Variants in SYNPO2 observed in about 807,000 individuals in gnomAD.
The protein encoded by SYNPO2 is synaptopodin-2.
SYNPO2 carries 56 observed loss-of-function variants against 85.0 expected under a neutral mutation model. The observed-to-expected ratio is 0.66, with a 90% CI of 0.53 to 0.82. SYNPO2 has a LOEUF of 0.82. Among genes scored for constraint, SYNPO2 ranks in the 40% least tolerant of loss-of-function variants. The pLI, the probability that SYNPO2 is intolerant of heterozygous loss-of-function variation, is 0.00. For missense variants in SYNPO2, 1,575 were observed against 1,534.2 expected (o/e 1.03, Z -0.44); for synonymous variants, 602 against 591.1 (o/e 1.02, Z -0.27).
intron 1 of SYNPO2, among the ~76,000 whole-genome samples, chr4:118,997,187 C>A (rs1404335735): frequency 2.1e-5 from 3 of 143,632 alleles, no homozygotes; most frequent in Non-Finnish European, 4.5e-5. Flanking sequence ...TTGCAGTGAG[C>A]CGAGATCCCG....
rs77732855 is a variant in SYNPO2, at chr4:118,959,655, C to G, written c.106-63775C>G. ...GAAACATGAACTAGAGGCTCGCTCT[C>G]CCTGGTCATCTGTGACCACTGCACT... On this transcript the variant is annotated intron_variant, in intron 1 of 4. Transcript: ENST00000307142. 5.4e-3 allele frequency among the ~76,000 whole-genome samples: 817 copies of G among 152,344 alleles called. 14 individuals carry two copies. Among genetic ancestry groups the G allele is most frequent in the African/African-American group, 0.017 (711 of 41,574 alleles).
At chr4:118,925,691 C>G (rs1048314643) in intron 1 of SYNPO2, among the ~76,000 whole-genome samples, 1 of 152,034 alleles carries the variant, frequency 6.6e-6, no homozygotes, top group South Asian at 2.1e-4. Context: ...TTAAAATCAG[C>G]GGGTCAGTTT....
chr4:118,943,468 T>A (rs958486439), intron 1 of SYNPO2, among the ~76,000 whole-genome samples: 1 of 152,162 alleles, frequency 6.6e-6, no homozygotes, highest in African/African-American at 2.4e-5. Context: ...ATAAGTGATG[T>A]GGGGGAAGGG....
At chr4:118,869,620 T>A (rs1017620626) in intron 1 of SYNPO2, among the ~76,000 whole-genome samples, 1 of 152,162 alleles carries the variant, frequency 6.6e-6, no homozygotes, top group Non-Finnish European at 1.5e-5. Context: ...TTCAAGAGAT[T>A]CCTCTACTTG....
chr4:118,897,444 T>G (rs1732586302), intron 1 of SYNPO2, among the ~76,000 whole-genome samples: 1 of 152,176 alleles, frequency 6.6e-6, no homozygotes. Flanking sequence ...TCATCCTGTT[T>G]AACAGAATTT....
chr4:118,889,214 T>G (rs1263638567), intron 1 of SYNPO2, 73 bp downstream of exon 1: 2 of 1,392,428 alleles, frequency 1.4e-6, no homozygotes, highest in African/African-American at 1.5e-5. Context: ...GATGGTGTTT[T>G]CAGGTTCTGA....
Position 119,021,593 on chromosome 4 carries a change from T to C in SYNPO2, c.106-1837T>C, listed in dbSNP as rs573977040. 2.4e-4 allele frequency among the ~76,000 whole-genome samples: 36 copies of C among 152,302 alleles called. 1 individual carries two copies. Among genetic ancestry groups the C allele is most frequent in the African/African-American group, 8.4e-4 (35 of 41,554 alleles). On this transcript the variant is annotated intron_variant, in intron 1 of 4. Coordinates refer to ENST00000307142, the MANE Select transcript of SYNPO2 (RefSeq NM_133477.3). Reference sequence around the variant, plus strand: ...ACTCATAAAATGAAATCTAAGCACATTAGTATCACTTAGGGCTCCAGCAGG... The same window carrying C: ...ACTCATAAAATGAAATCTAAGCACACTAGTATCACTTAGGGCTCCAGCAGG...
chr4:119,029,538 C>A (rs1738121458), intron 3 of SYNPO2, among the ~76,000 whole-genome samples: 4 of 151,962 alleles, frequency 2.6e-5, no homozygotes, highest in Admixed American at 2.6e-4. Flanking sequence ...TATTAATTGA[C>A]ATTTACTAGC....
intron 1 of SYNPO2, among the ~76,000 whole-genome samples, chr4:118,948,258 C>T (rs1560899137): frequency 6.6e-6 from 1 of 152,096 alleles, no homozygotes; most frequent in African/African-American, 2.4e-5. Context: ...AACCAATTAA[C>T]CAAGTACAGG....
chr4:119,030,532 A>G lies in SYNPO2; in HGVS notation c.1757A>G (p.Asn586Ser). 6.2e-7 allele frequency: 1 copy of G among 1,614,166 alleles called. No homozygotes were observed. The highest frequency in any genetic ancestry group is 8.5e-7 in the Non-Finnish European group (1 of 1,180,030). Residue 586 changes from asparagine to serine, a missense_variant, in exon 4 of 5, where the codon AAT (asparagine) becomes AGT (serine). By Grantham distance (46) the Asn-to-Ser change is conservative. Transcript: ENST00000307142. ...TANIQRMVPM[N>S]RTAKPFPGSV... ...AACATCCAGAGGATGGTCCCCATGAATAGAACGGCCAAACCCTTCCCAGGG... is the reference window on the plus strand; with the variant it reads ...AACATCCAGAGGATGGTCCCCATGAGTAGAACGGCCAAACCCTTCCCAGGG...
chr4:118,914,219 T>C (rs1329691391), intron 1 of SYNPO2, among the ~76,000 whole-genome samples: 2 of 152,158 alleles, frequency 1.3e-5, no homozygotes, highest in African/African-American at 4.8e-5. Flanking sequence ...TAATTTTAAA[T>C]AAATTGAATT....
chr4:118,858,402 ATATG>A (rs1448206336), intron 1 of SYNPO2, among the ~76,000 whole-genome samples: 2 of 152,204 alleles, frequency 1.3e-5, no homozygotes, highest in African/African-American at 4.8e-5. Context: ...ACAATTTCTG[ATATG>A]GCTAGCAGGC....
At chr4:118,966,875 G>A (rs144521900) in intron 1 of SYNPO2, among the ~76,000 whole-genome samples, 2 of 152,278 alleles carry the variant, frequency 1.3e-5, no homozygotes, top group African/African-American at 2.4e-5. Flanking sequence ...TGAAGAGCAG[G>A]TCAGCAGGTC....
intron 1 of SYNPO2, among the ~76,000 whole-genome samples, chr4:118,897,233 C>T (rs1732578712): frequency 6.6e-6 from 1 of 152,106 alleles, no homozygotes; most frequent in Admixed American, 6.5e-5. Flanking sequence ...ACCATCAGAT[C>T]TTGTGAGAGC....
intron 1 of SYNPO2, among the ~76,000 whole-genome samples, chr4:118,876,665 TTCTCTTTCTTTCTTTCTTTC>T (rs1229338613): frequency 7.4e-6 from 1 of 135,268 alleles, no homozygotes; most frequent in Non-Finnish European, 1.7e-5. Flanking sequence ...CTTCCTTCCT[TTCTCTTTCTTTCTTTCTTTC>T]TTTCTTTCTT....
intron 1 of SYNPO2, among the ~76,000 whole-genome samples, chr4:119,004,118 T>C (rs1736922533): frequency 6.6e-6 from 1 of 152,194 alleles, no homozygotes; most frequent in Non-Finnish European, 1.5e-5. Context: ...AATTCCTAAC[T>C]CTTCAAGGAA....
intron 1 of SYNPO2, among the ~76,000 whole-genome samples, chr4:118,939,558 C>T (rs749391667): frequency 2.6e-4 from 40 of 152,268 alleles, no homozygotes; most frequent in Non-Finnish European, 4.7e-4. Context: ...CAAGAGATTC[C>T]GTTTTGTAAT....
Position 119,030,373 on chromosome 4 carries a change from C to T in SYNPO2, c.1598C>T (p.Thr533Met), listed in dbSNP as rs746151359. Residue 533 changes from threonine to methionine, a missense_variant, in exon 4 of 5, where the codon ACG becomes ATG. Thr to Met is a moderately conservative substitution (Grantham distance 81). This residue lies in a region of SYNPO2 where 1,508 missense variants were observed against 1,446.8 expected (regional missense o/e 1.04). Coordinates refer to ENST00000307142, the MANE Select transcript of SYNPO2 (RefSeq NM_133477.3). ...DAAQTDGLRT[T>M]TSYQRKEEES... ...GCCCAGACCGATGGCCTGAGAACCA[C>T]GACTTCTTACCAAAGAAAGGAGGAA... is the stretch of plus-strand genomic sequence containing the variant. 2.0e-5 allele frequency: 32 copies of T among 1,614,008 alleles called. No homozygotes were observed. Among genetic ancestry groups the T allele is most frequent in the Non-Finnish European group, 2.4e-5 (28 of 1,180,028 alleles).
chr4:118,861,335 T>C (rs1242874467), intron 1 of SYNPO2, among the ~76,000 whole-genome samples: 1 of 152,028 alleles, frequency 6.6e-6, no homozygotes, highest in Non-Finnish European at 1.5e-5. Context: ...TATTTTATTT[T>C]ATTTTATTTG....
Sources: allele counts gnomAD v4.1 joint callset (sites outside exome capture counted in the v4.1 genomes callset), GRCh38; gene constraint gnomAD v4.1.1; regional missense constraint gnomAD v4.1.1; transcripts MANE v1.5; gene names NCBI Gene and HGNC (gene_info 2026-07-23, HGNC 2026-07-21).